Variants in APBB2 observed in about 807,000 individuals in gnomAD.
APBB2 encodes Fe65-like 1.
Under a neutral mutation model 82.5 loss-of-function variants are expected in APBB2, and 38 were observed. That is an observed-to-expected ratio of 0.46 (90% CI 0.36 to 0.60). The LOEUF (loss-of-function observed/expected upper bound fraction) is 0.60, where lower values mean the gene tolerates loss of function less well. Among genes scored for constraint, APBB2 ranks in the 20% least tolerant of loss-of-function variants. The pLI is 0.00. For missense variants in APBB2, 772 were observed against 972.3 expected (o/e 0.79, Z 2.74); for synonymous variants, 341 against 368.2 (o/e 0.93, Z 0.85).
intron 12 of APBB2, among the ~76,000 whole-genome samples, chr4:40,877,781 G>T (rs547092013): frequency 6.6e-6 from 1 of 152,274 alleles, no homozygotes; most frequent in South Asian, 2.1e-4. Context: ...CTTTAGGGAG[G>T]AGGCAAGAAG....
chr4:40,914,072 C>T (rs111610282), intron 10 of APBB2, among the ~76,000 whole-genome samples: 1 of 152,064 alleles, frequency 6.6e-6, no homozygotes, highest in Non-Finnish European at 1.5e-5. Flanking sequence ...CCCATCTCTA[C>T]TAAAAATACA....
intron 1 of APBB2, among the ~76,000 whole-genome samples, chr4:41,178,974 T>C (rs1055093280): frequency 9.2e-5 from 14 of 152,238 alleles, no homozygotes; most frequent in African/African-American, 3.1e-4. Flanking sequence ...TTTTCATTCA[T>C]TAAACAAATA....
intron 4 of APBB2, among the ~76,000 whole-genome samples, chr4:41,064,751 C>T (rs1022393860): frequency 3.9e-5 from 6 of 152,196 alleles, no homozygotes; most frequent in Non-Finnish European, 7.3e-5. Flanking sequence ...CCTGAGGGAA[C>T]TGAAAGAGTT....
intron 1 of APBB2, among the ~76,000 whole-genome samples, chr4:41,200,961 T>C (rs750566629): frequency 6.6e-6 from 1 of 152,208 alleles, no homozygotes; most frequent in Non-Finnish European, 1.5e-5. Flanking sequence ...CTAGTGCAAC[T>C]CTAGCTGCAT....
At chr4:41,204,003 T>A (rs1024897874) in intron 1 of APBB2, among the ~76,000 whole-genome samples, 3 of 152,202 alleles carry the variant, frequency 2.0e-5, no homozygotes, top group African/African-American at 7.2e-5. Context: ...CCCCACCTTG[T>A]CCACTTTCCC....
intron 4 of APBB2, among the ~76,000 whole-genome samples, chr4:41,040,553 G>C (rs947119127): frequency 6.6e-6 from 1 of 152,286 alleles, no homozygotes; most frequent in African/African-American, 2.4e-5. Flanking sequence ...CAGAGGGTTA[G>C]GTAACATGCC....
intron 12 of APBB2, among the ~76,000 whole-genome samples, chr4:40,858,578 T>C (rs911744739): frequency 6.6e-6 from 1 of 151,550 alleles, no homozygotes; most frequent in African/African-American, 2.4e-5. Flanking sequence ...GAAATACACA[T>C]GGAAAATCAA....
At position 40,935,260 on chromosome 4, in the gene APBB2, G is replaced by A. The variant is rs1358283816; in HGVS notation, c.1045-121C>T. ...ATTGATATTCACAAGATGGGTTAGG[G>A]AACAAGTTAACTCTAACAGCAACTT... On this transcript the variant is annotated intron_variant, in intron 7 of 17. Transcript: ENST00000508593. 9.7e-6 allele frequency: 7 copies of A among 725,314 alleles called. No homozygotes were observed. In the South Asian group the frequency reaches 1.3e-4, roughly 14 times the overall value. The allele number at this position is 725,314 out of a possible 1,614,324, so 44.9% of individuals were successfully genotyped here. A position where few individuals can be genotyped will look rare whatever the true frequency, so the allele number is the denominator to read the frequency against.
At chr4:41,114,361 T>C (rs112078982) in intron 2 of APBB2, among the ~76,000 whole-genome samples, 1 of 152,190 alleles carries the variant, frequency 6.6e-6, no homozygotes, top group African/African-American at 2.4e-5. Context: ...CCACAGCCAA[T>C]ATCATACTGA....
intron 2 of APBB2, among the ~76,000 whole-genome samples, chr4:41,133,803 G>A (rs1198175817): frequency 6.6e-6 from 1 of 152,114 alleles, no homozygotes; most frequent in African/African-American, 2.4e-5. Flanking sequence ...AGAGTAAGGG[G>A]GAGGGGAAGC....
At chr4:40,988,637 CAA>C (rs1310590730) in intron 6 of APBB2, among the ~76,000 whole-genome samples, 2 of 30,652 alleles carry the variant, frequency 6.5e-5, no homozygotes, top group Non-Finnish European at 1.2e-4. Context: ...GACTCCGTCT[CAA>C]AAAAAAAAAA....
chr4:41,147,844 TCAAAATGACCAGGCAGA>T (rs767882924), intron 1 of APBB2, among the ~76,000 whole-genome samples: 35 of 152,092 alleles, frequency 2.3e-4, no homozygotes, highest in Non-Finnish European at 4.3e-4. Flanking sequence ...AATTTCTATG[TCAAAATGACCAGGCAGA>T]CAAGGCAAGA....
At chr4:41,035,006 T>G (rs1718597473) in intron 4 of APBB2, among the ~76,000 whole-genome samples, 1 of 151,790 alleles carries the variant, frequency 6.6e-6, no homozygotes, top group African/African-American at 2.4e-5. Flanking sequence ...ATGATGGGGG[T>G]GGGGTAGGGA....
chr4:41,090,571 T>G (rs1002410954), intron 3 of APBB2, among the ~76,000 whole-genome samples: 1 of 152,214 alleles, frequency 6.6e-6, no homozygotes, highest in African/African-American at 2.4e-5. Context: ...CACATTTAGT[T>G]CATCAAAGCA....
At chr4:41,072,651 A>G (rs1265182928) in intron 3 of APBB2, among the ~76,000 whole-genome samples, 1 of 152,178 alleles carries the variant, frequency 6.6e-6, no homozygotes, top group Non-Finnish European at 1.5e-5. Flanking sequence ...GTGTTCCTTA[A>G]GCAGAACTCA....
intron 12 of APBB2, among the ~76,000 whole-genome samples, chr4:40,861,633 T>C (rs1762783239): frequency 6.6e-6 from 1 of 152,214 alleles, no homozygotes. Context: ...GCATGGGGCT[T>C]GTACAGAAAA....
intron 1 of APBB2, among the ~76,000 whole-genome samples, chr4:41,192,428 T>C (rs1249761568): frequency 2.0e-5 from 3 of 152,186 alleles, no homozygotes; most frequent in Non-Finnish European, 2.9e-5. Context: ...GAAACTGTGA[T>C]ATATTCATGC....
At chr4:41,182,060 A>T (rs905915141) in intron 1 of APBB2, among the ~76,000 whole-genome samples, 2 of 152,216 alleles carry the variant, frequency 1.3e-5, no homozygotes, top group East Asian at 1.9e-4. Flanking sequence ...AGGAGGCGTG[A>T]GAAGTACCTA....
At chr4:41,037,798 T>C (rs971511070) in intron 4 of APBB2, among the ~76,000 whole-genome samples, 2 of 152,046 alleles carry the variant, frequency 1.3e-5, no homozygotes, top group African/African-American at 4.8e-5. Flanking sequence ...GGCGGGTGGA[T>C]TACGAGGTTA....
Sources: gnomAD v4.1 joint callset for allele counts (sites outside exome capture counted in the v4.1 genomes callset) on GRCh38, gnomAD v4.1.1 for gene constraint, MANE v1.5 for transcripts, NCBI Gene and HGNC (gene_info 2026-07-23, HGNC 2026-07-21) for gene names.